Variants in MTMR3 observed in about 807,000 individuals in gnomAD.
MTMR3 encodes myotubularin related protein 3.
Under a neutral mutation model 132.4 loss-of-function variants are expected in MTMR3, and 32 were observed. The observed-to-expected ratio is 0.24, with a 90% CI of 0.18 to 0.32. The LOEUF (loss-of-function observed/expected upper bound fraction) is 0.32, where lower values mean the gene tolerates loss of function less well. MTMR3 is among the 10% of genes least tolerant of loss of function. MTMR3 has a pLI of 1.00. For synonymous variants in MTMR3, 556 were observed against 550.3 expected, an observed-to-expected ratio of 1.01 and a Z score of -0.14; for missense variants, 1,216 against 1,489.6, an observed-to-expected ratio of 0.82 and a Z score of 3.02.
intron 6 of MTMR3, chr22:29,989,291 C>T (rs1172427024): frequency 2.6e-5 from 4 of 152,412 alleles, no homozygotes; most frequent in Non-Finnish European, 5.9e-5. Context: ...TGCAGTAGCA[C>T]GATCTCAGCG....
At chr22:29,929,984 A>C (rs1276971775) in intron 1 of MTMR3, among the ~76,000 whole-genome samples, 1 of 152,164 alleles carries the variant, frequency 6.6e-6, no homozygotes, top group African/African-American at 2.4e-5. Context: ...GTAACTGTGG[A>C]CAGCACATAG....
chr22:30,003,028 G>T (rs2067206800), intron 9 of MTMR3, 35 bp downstream of exon 9: 2 of 1,539,630 alleles, frequency 1.3e-6, no homozygotes. Flanking sequence ...GCTTGGGCTG[G>T]TGCTGCTGCC....
At chr22:29,908,354 G>A (rs1008986521) in intron 1 of MTMR3, among the ~76,000 whole-genome samples, 5 of 152,234 alleles carry the variant, frequency 3.3e-5, no homozygotes, top group Non-Finnish European at 7.3e-5. Flanking sequence ...TGCTAGAACA[G>A]ACCAGAAGAA....
intron 1 of MTMR3, 143 bp downstream of exon 1, chr22:29,883,502 G>A (rs1746186387): frequency 1.3e-5 from 2 of 152,436 alleles, no homozygotes; most frequent in Admixed American, 1.3e-4. Flanking sequence ...CTGCGTGCGG[G>A]GCCCGGGGAG....
chr22:29,916,334 T>G (rs532825730), intron 1 of MTMR3, among the ~76,000 whole-genome samples: 3 of 152,192 alleles, frequency 2.0e-5, no homozygotes, highest in Admixed American at 6.5e-5. Flanking sequence ...CCTCGTGAAA[T>G]CTCACCTAAT....
At chr22:29,890,683 G>T (rs1032741478) in intron 1 of MTMR3, among the ~76,000 whole-genome samples, 4 of 152,174 alleles carry the variant, frequency 2.6e-5, no homozygotes, top group South Asian at 2.1e-4. Context: ...TCTTTAGCTT[G>T]TTGGGAGTTT....
intron 1 of MTMR3, among the ~76,000 whole-genome samples, chr22:29,931,352 C>T (rs1272728234): frequency 1.3e-5 from 2 of 152,150 alleles, no homozygotes. Context: ...ACATATATTG[C>T]TTTGAACAAA....
rs996508032 is a variant in MTMR3 at position 29,955,553 on chromosome 22, G to A, written c.-137-1483G>A. Among the ~76,000 whole-genome samples, 8 of 152,026 alleles carry A rather than the reference G, an allele frequency of 5.3e-5. No homozygotes were observed. In the East Asian group the frequency reaches 9.6e-4, roughly 18 times the overall value. ...CTGGTCTTCATACTAAATACAGTTC[G>A]TCTCTGAAGTTGCAAATTATGAGTA... On this transcript the variant is annotated intron_variant, in intron 1 of 19. Transcript: ENST00000401950.
intron 1 of MTMR3, among the ~76,000 whole-genome samples, chr22:29,929,776 T>G (rs766427633): frequency 6.6e-6 from 1 of 152,142 alleles, no homozygotes; most frequent in Non-Finnish European, 1.5e-5. Context: ...CCTCCAAAAG[T>G]GCTGGAATTA....
At chr22:29,898,258 A>G (rs779766808) in intron 1 of MTMR3, among the ~76,000 whole-genome samples, 3 of 152,146 alleles carry the variant, frequency 2.0e-5, no homozygotes, top group African/African-American at 7.2e-5. Flanking sequence ...TTTTTCCTCA[A>G]ATTGGGTCAA....
At chr22:29,890,148 C>T (rs1379980759) in intron 1 of MTMR3, among the ~76,000 whole-genome samples, 2 of 151,852 alleles carry the variant, frequency 1.3e-5, no homozygotes, top group African/African-American at 4.8e-5. Flanking sequence ...CCTCATGATC[C>T]ACCTGCCTCC....
At chr22:29,905,396 GTGGTCCCTCTCCTT>G in intron 1 of MTMR3, among the ~76,000 whole-genome samples, 1 of 152,156 alleles carries the variant, frequency 6.6e-6, no homozygotes, top group Non-Finnish European at 1.5e-5. Flanking sequence ...AAATAAAAGG[GTGGTCCCTCTCCTT>G]AAAATTTCAT....
At chr22:29,894,503 C>CGTGTGTGT (rs144670905) in intron 1 of MTMR3, among the ~76,000 whole-genome samples, 5,276 of 147,238 alleles carry the variant, frequency 0.036, 233 homozygotes, top group South Asian at 0.17. Flanking sequence ...GTTCTGTATC[C>CGTGTGTGT]GTGTGTGTGT....
intron 1 of MTMR3, among the ~76,000 whole-genome samples, chr22:29,948,799 T>C (rs1207967068): frequency 6.9e-6 from 1 of 145,470 alleles, no homozygotes; most frequent in Non-Finnish European, 1.5e-5. Flanking sequence ...TATTATTGTC[T>C]AAAAAAAAAA....
intron 8 of MTMR3, chr22:30,002,473 T>A (rs912061617): frequency 2.0e-5 from 3 of 153,528 alleles, no homozygotes; most frequent in Admixed American, 6.5e-5. Flanking sequence ...AGTTCTGTAA[T>A]TGGACTGGGC....
intron 1 of MTMR3, among the ~76,000 whole-genome samples, chr22:29,918,168 A>G (rs1320134134): frequency 6.6e-6 from 1 of 152,170 alleles, no homozygotes; most frequent in African/African-American, 2.4e-5. Flanking sequence ...GTTATTTGGC[A>G]TGAGATGAAC....
At chr22:29,978,238 TGCATCAA>T in intron 3 of MTMR3, 197 bp from the exon 4 acceptor site, 6 of 410,806 alleles carry the variant, frequency 1.5e-5, no homozygotes, top group Non-Finnish European at 2.3e-5. Flanking sequence ...ACATTTTTTT[TGCATCAA>T]TGTGTTTTCA....
At chr22:29,973,034 A>G (rs1356430155) in intron 3 of MTMR3, among the ~76,000 whole-genome samples, 1 of 152,252 alleles carries the variant, frequency 6.6e-6, no homozygotes, top group East Asian at 1.9e-4. Context: ...GCTGTATAAC[A>G]TTCTGCAAGT....
chr22:29,948,364 G>A (rs746034011), intron 1 of MTMR3, among the ~76,000 whole-genome samples: 8 of 152,086 alleles, frequency 5.3e-5, no homozygotes, highest in Non-Finnish European at 8.8e-5. Context: ...TTACAGATGG[G>A]GAGACAATAA....
Sources: gnomAD v4.1 joint callset for allele counts (sites outside exome capture counted in the v4.1 genomes callset) on GRCh38, gnomAD v4.1.1 for gene constraint, MANE v1.5 for transcripts, NCBI Gene and HGNC (gene_info 2026-07-23, HGNC 2026-07-21) for gene names.